The following PRTG variants were observed in gnomAD, a reference collection of about 807,000 sequenced individuals.
PRTG encodes immunoglobulin superfamily, DCC subclass, member 5.
PRTG carries 67 observed loss-of-function variants against 122.5 expected under a neutral mutation model. The ratio of observed to expected loss-of-function variants is 0.55; its 90% CI spans 0.45 to 0.67. The LOEUF is 0.67. Among genes scored for constraint, PRTG ranks in the 30% least tolerant of loss-of-function variants. PRTG has a pLI of 0.00. For missense variants in PRTG, 1,435 were observed against 1,415.4 expected, an observed-to-expected ratio of 1.01 and a Z score of -0.22; for synonymous variants, 554 against 501.1, an observed-to-expected ratio of 1.11 and a Z score of -1.41.
At position 55,637,151 on chromosome 15, in the gene PRTG, G is replaced by A; in HGVS notation, c.2623+19C>T. The A allele has an allele frequency of 1.4e-6, 2 of 1,478,420 alleles. No homozygotes were observed. Among genetic ancestry groups the A allele is most frequent in the South Asian group, 3.0e-5 (2 of 67,678 alleles). The allele number at this position is 1,478,420 out of a possible 1,614,324, so 91.6% of individuals were successfully genotyped here. A position where few individuals can be genotyped will look rare whatever the true frequency, so the allele number is the denominator to read the frequency against. ...AATAATCGTACTTTTCACCCTTCAT[G>A]GCAATTTATGATATTTACCTTCACG... On this transcript the variant is annotated intron_variant, in intron 15 of 19. Transcript: ENST00000389286.
chr15:55,629,081 T>C, intron 15 of PRTG, 77 bp from the exon 16 acceptor site: 1 of 920,588 alleles, frequency 1.1e-6, no homozygotes, highest in Non-Finnish European at 1.6e-6. Context: ...ACACGTTCCT[T>C]TATTTTTAAA....
At chr15:55,733,320 G>A (rs879718493) in intron 2 of PRTG, among the ~76,000 whole-genome samples, 3 of 151,860 alleles carry the variant, frequency 2.0e-5, no homozygotes, top group African/African-American at 4.8e-5. Context: ...AGACCAGCCT[G>A]ACCAACGTGG....
At chr15:55,632,324 C>T (rs147297789) in intron 15 of PRTG, among the ~76,000 whole-genome samples, 87 of 152,238 alleles carry the variant, frequency 5.7e-4, no homozygotes, top group African/African-American at 2.0e-3. Flanking sequence ...ATTACTTTCA[C>T]CATTACCACT....
At position 55,678,062 on chromosome 15, in the gene PRTG, A is replaced by C; in HGVS notation, c.1134-18T>G. The C allele has an allele frequency of 6.8e-7, 1 of 1,471,076 alleles. No individual in the cohort carries two copies. The highest frequency in any genetic ancestry group is 9.4e-7 in the Non-Finnish European group (1 of 1,069,226). 91.1% of individuals were successfully genotyped at this position (1,471,076 alleles called of 1,614,324 possible). A position where few individuals can be genotyped will look rare whatever the true frequency, so the allele number is the denominator to read the frequency against. On this transcript the variant is annotated intron_variant, in intron 7 of 19. Transcript: ENST00000389286. ...CCAATTTACTAGGGAAAGAAAAAAA[A>C]TTATTTCCATGAAAAATTCTAAGAA...
chr15:55,679,957 T>C (rs2059527677), intron 6 of PRTG, 97 bp downstream of exon 6: 1 of 899,634 alleles, frequency 1.1e-6, no homozygotes, highest in South Asian at 1.8e-5. Context: ...TTCATATCAA[T>C]GCTACAAAGC....
chr15:55,695,072 AC>A (rs1320586027), intron 2 of PRTG, among the ~76,000 whole-genome samples: 3 of 152,074 alleles, frequency 2.0e-5, no homozygotes, highest in Admixed American at 6.6e-5. Context: ...TTTATTTGCG[AC>A]TTCCTCCTCT....
intron 11 of PRTG, among the ~76,000 whole-genome samples, chr15:55,644,736 C>T (rs911787063): frequency 5.9e-5 from 9 of 151,856 alleles, no homozygotes; most frequent in African/African-American, 7.3e-5. Context: ...TTATATCAGG[C>T]GTACAAGATC....
intron 2 of PRTG, among the ~76,000 whole-genome samples, chr15:55,714,205 G>GTCTCTCTGTCTCTCTCTCTC (rs2030509044): frequency 7.0e-6 from 1 of 142,684 alleles, no homozygotes; most frequent in African/African-American, 2.6e-5. Context: ...CTATTTATCT[G>GTCTCTCTGTCTCTCTCTCTC]TCTCTCTCTC....
At chr15:55,628,039 G>A (rs922028824) in intron 16 of PRTG, among the ~76,000 whole-genome samples, 1 of 152,102 alleles carries the variant, frequency 6.6e-6, no homozygotes, top group African/African-American at 2.4e-5. Flanking sequence ...ATAACACGGT[G>A]GCTACGATGG....
rs1197477864 is a variant in PRTG, at chr15:55,742,854, C to T, written c.78G>A (p.Leu26=). The change falls in exon 1 of 20, where the codon CTG becomes CTA. Residue 26 remains leucine, a synonymous_variant. Coordinates refer to ENST00000389286, the MANE Select transcript of PRTG (RefSeq NM_173814.6). Reference sequence around the variant, plus strand: ...CGCGCCCACCTGGCAAAGGACTGAGCAGCAGCAGGAGCAGGAGCGCGCGGA... The same window carrying T: ...CGCGCCCACCTGGCAAAGGACTGAGTAGCAGCAGGAGCAGGAGCGCGCGGA... ...MLLRALLLLL[L]LSPLPGVWCF... is the part of the protein sequence containing the mutation. 6.5e-7 allele frequency: 1 copy of T among 1,540,100 alleles called. No individual in the cohort carries two copies. The highest frequency in any genetic ancestry group is 1.2e-5 in the South Asian group (1 of 83,740).
At chr15:55,668,491 G>C (rs8032175) in intron 11 of PRTG, among the ~76,000 whole-genome samples, 3,649 of 152,244 alleles carry the variant, frequency 0.024, 137 homozygotes, top group African/African-American at 0.076. Context: ...TTAGTTTATT[G>C]TGAGATGAAT....
chr15:55,633,883 A>C (rs2059241520), intron 15 of PRTG, among the ~76,000 whole-genome samples: 1 of 152,156 alleles, frequency 6.6e-6, no homozygotes, highest in African/African-American at 2.4e-5. Flanking sequence ...CACAACAACT[A>C]AGAGAATATT....
chr15:55,688,056 C>CA (rs1377709419), intron 2 of PRTG, among the ~76,000 whole-genome samples: 1 of 152,168 alleles, frequency 6.6e-6, no homozygotes, highest in African/African-American at 2.4e-5. Context: ...CTCCCAACCT[C>CA]AAAAAACAAA....
At position 55,619,965 on chromosome 15, in the gene PRTG, A is replaced by C; in HGVS notation, c.*47T>G. Reference sequence around the variant, plus strand: ...ACAGATGACACAGCAGGGTCTTCACACTTCCTCAATGCGGAATCTCCACCT... The same window carrying C: ...ACAGATGACACAGCAGGGTCTTCACCCTTCCTCAATGCGGAATCTCCACCT... On this transcript the variant is annotated 3_prime_UTR_variant, in exon 20 of 20. Coordinates refer to ENST00000389286, the MANE Select transcript of PRTG (RefSeq NM_173814.6). 6.2e-7 allele frequency: 1 copy of C among 1,606,196 alleles called. No homozygotes were observed. Among genetic ancestry groups the C allele is most frequent in the East Asian group, 2.2e-5 (1 of 44,864 alleles).
intron 2 of PRTG, among the ~76,000 whole-genome samples, chr15:55,723,343 A>T (rs2030899642): frequency 6.6e-6 from 1 of 151,992 alleles, no homozygotes; most frequent in African/African-American, 2.4e-5. Context: ...GTTTTAAAAC[A>T]TGAAACAAAA....
intron 15 of PRTG, among the ~76,000 whole-genome samples, chr15:55,632,892 A>G (rs1009281429): frequency 2.0e-5 from 3 of 152,222 alleles, no homozygotes; most frequent in Admixed American, 1.3e-4. Context: ...AGCCTGGCAC[A>G]TAGTCATCAC....
intron 11 of PRTG, among the ~76,000 whole-genome samples, chr15:55,645,291 G>A (rs540935781): frequency 2.7e-4 from 41 of 149,148 alleles, no homozygotes; most frequent in African/African-American, 8.8e-4. Flanking sequence ...AAAATTAGCC[G>A]GGCATGGTGG....
At chr15:55,665,727 G>A (rs187024913) in intron 11 of PRTG, among the ~76,000 whole-genome samples, 1 of 151,936 alleles carries the variant, frequency 6.6e-6, no homozygotes, top group African/African-American at 2.4e-5. Flanking sequence ...TGTATTTTTA[G>A]TAGAGACAGG....
At chr15:55,738,706 A>G (rs1333604007) in intron 2 of PRTG, 5 of 240,670 alleles carry the variant, frequency 2.1e-5, no homozygotes, top group African/African-American at 9.3e-5. Context: ...TTATTGGCCA[A>G]TGATTACGGG....
Sources: gnomAD v4.1 joint callset for allele counts (sites outside exome capture counted in the v4.1 genomes callset) on GRCh38, gnomAD v4.1.1 for gene constraint, MANE v1.5 for transcripts, NCBI Gene and HGNC (gene_info 2026-07-23, HGNC 2026-07-21) for gene names.